The following ZFPM2 variants were observed in gnomAD, a reference collection of about 807,000 sequenced individuals.
ZFPM2 encodes zinc finger protein, FOG family member 2.
A neutral mutation model predicts 98.6 loss-of-function variants in ZFPM2; 20 were observed. The ratio of observed to expected loss-of-function variants is 0.20; its 90% CI spans 0.14 to 0.29. The LOEUF is 0.29. Among genes scored for constraint, ZFPM2 ranks in the 10% least tolerant of loss-of-function variants. The pLI is 1.00. For synonymous variants in ZFPM2, 518 were observed against 502.7 expected (o/e 1.03, Z -0.41); for missense variants, 1,310 against 1,388.6 (o/e 0.94, Z 0.90).
At chr8:105,541,652 G>A (rs760675531) in intron 3 of ZFPM2, among the ~76,000 whole-genome samples, 1 of 152,182 alleles carries the variant, frequency 6.6e-6, no homozygotes, top group African/African-American at 2.4e-5. Flanking sequence ...AATAAATGGA[G>A]ATTTTAGTAT....
At chr8:105,716,949 G>T (rs1811538813) in intron 5 of ZFPM2, among the ~76,000 whole-genome samples, 1 of 151,968 alleles carries the variant, frequency 6.6e-6, no homozygotes, top group Admixed American at 6.6e-5. Context: ...CTTACCACTG[G>T]TGTGTGGAAC....
chr8:105,648,051 CTTTTTAATGATCACCATTCTAACTG>C (rs1817086952), intron 5 of ZFPM2, among the ~76,000 whole-genome samples: 1 of 152,144 alleles, frequency 6.6e-6, no homozygotes, highest in Non-Finnish European at 1.5e-5. Context: ...GGTTTCCTGA[CTTTTTAATGATCACCATTCTAACTG>C]GTGTGAGATG....
At chr8:105,539,909 T>G (rs1274487943) in intron 3 of ZFPM2, among the ~76,000 whole-genome samples, 1 of 152,138 alleles carries the variant, frequency 6.6e-6, no homozygotes, top group Non-Finnish European at 1.5e-5. Flanking sequence ...TCCAAAGAAT[T>G]TGGGCTTCAT....
chr8:105,377,841 A>C (rs1444730965), intron 1 of ZFPM2, among the ~76,000 whole-genome samples: 2 of 152,000 alleles, frequency 1.3e-5, no homozygotes, highest in African/African-American at 4.8e-5. Context: ...CTTTTACAGA[A>C]ATTTTTTAGG....
At chr8:105,492,309 T>G (rs1586412318) in intron 3 of ZFPM2, among the ~76,000 whole-genome samples, 2 of 152,206 alleles carry the variant, frequency 1.3e-5, no homozygotes. Flanking sequence ...CAATTACATA[T>G]GTATTTCTCC....
At chr8:105,755,729 A>T (rs1001364909) in intron 5 of ZFPM2, among the ~76,000 whole-genome samples, 3 of 152,024 alleles carry the variant, frequency 2.0e-5, no homozygotes, top group Non-Finnish European at 2.9e-5. Flanking sequence ...TGCCTTTTTT[A>T]AAAAAACAAG....
intron 5 of ZFPM2, chr8:105,675,879 A>C (rs1346508318): frequency 6.6e-6 from 1 of 152,166 alleles, no homozygotes; most frequent in Non-Finnish European, 1.5e-5. Flanking sequence ...GACGAACTGC[A>C]TTATTCCTAA....
intron 1 of ZFPM2, among the ~76,000 whole-genome samples, chr8:105,372,066 G>A (rs1360077008): frequency 6.0e-5 from 9 of 150,216 alleles, no homozygotes; most frequent in South Asian, 4.2e-4. Flanking sequence ...TTTTTGAGAC[G>A]GAGTCTTGCT....
chr8:105,781,179 C>T (rs1341254868), intron 5 of ZFPM2, among the ~76,000 whole-genome samples: 1 of 152,100 alleles, frequency 6.6e-6, no homozygotes. Flanking sequence ...AGTGTGGGTT[C>T]CAAGTTCCCC....
At chr8:105,528,775 G>T (rs1380964155) in intron 3 of ZFPM2, 2 of 152,104 alleles carry the variant, frequency 1.3e-5, no homozygotes, top group Non-Finnish European at 2.9e-5. Context: ...AATATAGGAA[G>T]AAGTGGAGAT....
chr8:105,377,983 T>C (rs995429877), intron 1 of ZFPM2, among the ~76,000 whole-genome samples: 7 of 152,130 alleles, frequency 4.6e-5, no homozygotes, highest in Non-Finnish European at 1.0e-4. Flanking sequence ...GTTTCAGTTA[T>C]GGGAAACTAG....
intron 1 of ZFPM2, among the ~76,000 whole-genome samples, chr8:105,370,436 T>C (rs1359673873): frequency 1.3e-5 from 2 of 152,202 alleles, no homozygotes; most frequent in Admixed American, 6.5e-5. Flanking sequence ...TTTAGAGACG[T>C]TGTAAAGGGA....
chr8:105,523,864 C>A (rs983344179), intron 3 of ZFPM2, among the ~76,000 whole-genome samples: 1 of 152,086 alleles, frequency 6.6e-6, no homozygotes, highest in Non-Finnish European at 1.5e-5. Flanking sequence ...TTCAGGCCCC[C>A]CTGTGGTCAA....
chr8:105,548,135 G>A (rs1007971930), intron 3 of ZFPM2, among the ~76,000 whole-genome samples: 14 of 151,870 alleles, frequency 9.2e-5, no homozygotes, highest in African/African-American at 3.4e-4. Context: ...GTAGATCATA[G>A]GAATAAATGG....
intron 3 of ZFPM2, among the ~76,000 whole-genome samples, chr8:105,506,355 A>G (rs1813698379): frequency 6.6e-6 from 1 of 152,154 alleles, no homozygotes; most frequent in African/African-American, 2.4e-5. Flanking sequence ...ATTAGGAGTT[A>G]TTTTCCAAGT....
At chr8:105,363,932 T>G (rs1290023969) in intron 1 of ZFPM2, among the ~76,000 whole-genome samples, 1 of 152,146 alleles carries the variant, frequency 6.6e-6, no homozygotes, top group Non-Finnish European at 1.5e-5. Context: ...GTATGTGGTT[T>G]ATAGTCTGTC....
intron 5 of ZFPM2, among the ~76,000 whole-genome samples, chr8:105,726,426 A>G (rs1222239376): frequency 2.0e-5 from 3 of 151,848 alleles, no homozygotes; most frequent in Admixed American, 6.6e-5. Context: ...TAGTATTTGT[A>G]CAATGTAAAT....
chr8:105,551,496 G>T (rs1814852545), intron 3 of ZFPM2, among the ~76,000 whole-genome samples: 1 of 152,136 alleles, frequency 6.6e-6, no homozygotes, highest in Non-Finnish European at 1.5e-5. Flanking sequence ...TTAAAAATCT[G>T]TAATGGAATT....
chr8:105,483,700 T>C (rs1813169797), intron 3 of ZFPM2, among the ~76,000 whole-genome samples: 2 of 152,176 alleles, frequency 1.3e-5, no homozygotes, highest in Admixed American at 1.3e-4. Flanking sequence ...GTCAGATTAA[T>C]TGTAATTCTT....
Sources: gnomAD v4.1 joint callset for allele counts (sites outside exome capture counted in the v4.1 genomes callset) on GRCh38, gnomAD v4.1.1 for gene constraint, MANE v1.5 for transcripts, NCBI Gene and HGNC (gene_info 2026-07-23, HGNC 2026-07-21) for gene names.